The following ALPL variants were observed in gnomAD, a reference collection of about 807,000 sequenced individuals.
ALPL encodes alkaline phosphatase, biomineralization associated.
Under a neutral mutation model 51.3 loss-of-function variants are expected in ALPL, and 42 were observed. That is an observed-to-expected ratio of 0.82 (90% confidence interval 0.64 to 1.06). The LOEUF (loss-of-function observed/expected upper bound fraction) is 1.06. Among genes scored for constraint, ALPL ranks in the 50% least tolerant of loss-of-function variants. ALPL has a pLI of 0.00. For missense variants in ALPL, 589 were observed against 709.4 expected (o/e 0.83, Z 1.93); for synonymous variants, 279 against 296.4 (o/e 0.94, Z 0.60).
At chr1:21,577,319 A>G in intron 11 of ALPL, 64 bp from the exon 12 acceptor site, 2 of 1,610,698 alleles carry the variant, frequency 1.2e-6, no homozygotes, top group Non-Finnish European at 1.7e-6. Context: ...GGGAGATGGA[A>G]AAGCTGCGTG....
chr1:21,534,427 TAGAG>T (rs1176598372), intron 1 of ALPL, among the ~76,000 whole-genome samples: 3 of 152,192 alleles, frequency 2.0e-5, no homozygotes, highest in African/African-American at 7.2e-5. Context: ...AGACCTGAGA[TAGAG>T]AGCCACAGGG....
intron 1 of ALPL, among the ~76,000 whole-genome samples, chr1:21,520,651 C>T (rs927649888): frequency 4.6e-5 from 7 of 151,844 alleles, no homozygotes; most frequent in African/African-American, 7.3e-5. Context: ...ATAGTAGACA[C>T]GGGGTTTCAC....
intron 7 of ALPL, 48 bp from the exon 8 acceptor site, chr1:21,570,257 C>A: frequency 6.3e-7 from 1 of 1,584,084 alleles, no homozygotes; most frequent in Non-Finnish European, 8.7e-7. Flanking sequence ...TCAGTCCTTC[C>A]GACTCTCCCT....
At chr1:21,522,276 A>G (rs772526020) in intron 1 of ALPL, among the ~76,000 whole-genome samples, 36 of 152,182 alleles carry the variant, frequency 2.4e-4, no homozygotes, top group South Asian at 6.2e-4. Flanking sequence ...GGGTTTCACC[A>G]TGTTAGCCAG....
intron 1 of ALPL, among the ~76,000 whole-genome samples, chr1:21,519,773 A>G (rs1175783049): frequency 1.3e-5 from 2 of 152,180 alleles, no homozygotes; most frequent in Non-Finnish European, 2.9e-5. Flanking sequence ...CTCCAACCTG[A>G]GTGACAGAGT....
chr1:21,515,539 C>G (rs988182375), intron 1 of ALPL, among the ~76,000 whole-genome samples: 2 of 152,216 alleles, frequency 1.3e-5, no homozygotes, highest in Non-Finnish European at 2.9e-5. Flanking sequence ...CAGGCACATG[C>G]CACCACACCC....
intron 1 of ALPL, among the ~76,000 whole-genome samples, chr1:21,520,165 C>T (rs1570170044): frequency 6.6e-6 from 1 of 152,134 alleles, no homozygotes; most frequent in East Asian, 1.9e-4. Context: ...CTTGCCCTGT[C>T]ACCCAGGCTG....
intron 1 of ALPL, among the ~76,000 whole-genome samples, chr1:21,552,114 T>TCCCCCCCCCTCCCC (rs1244827813): frequency 4.3e-4 from 22 of 51,434 alleles, no homozygotes; most frequent in Non-Finnish European, 4.7e-4. Flanking sequence ...TTTCCTCCCC[T>TCCCCCCCCCTCCCC]TCCCTTTCCT....
intron 7 of ALPL, among the ~76,000 whole-genome samples, chr1:21,568,992 A>G (rs1410590297): frequency 1.9e-4 from 29 of 152,094 alleles, no homozygotes. Flanking sequence ...GACAGTGGGG[A>G]GTAGCCTGGC....
intron 9 of ALPL, among the ~76,000 whole-genome samples, chr1:21,574,896 C>T (rs1570302003): frequency 6.6e-6 from 1 of 152,246 alleles, no homozygotes; most frequent in Non-Finnish European, 1.5e-5. Context: ...GAACAGAGGG[C>T]TGCCTGGCGC....
chr1:21,554,790 TG>T (rs57660671), intron 2 of ALPL, among the ~76,000 whole-genome samples: 46,743 of 91,926 alleles, frequency 0.51, 9,261 homozygotes, highest in African/African-American at 0.58. Context: ...GCGCCTGGCC[TG>T]TCTGTCTGTC....
chr1:21,520,336 A>T (rs1396847284), intron 1 of ALPL, among the ~76,000 whole-genome samples: 1 of 151,250 alleles, frequency 6.6e-6, no homozygotes, highest in East Asian at 1.9e-4. Context: ...GCTTATGTTG[A>T]TGAGGCTGGT....
In ALPL at chr1:21,535,256, G is replaced by T. The variant is rs76592131; in HGVS notation, c.-104-18722G>T. 8.6e-3 allele frequency among the ~76,000 whole-genome samples: 1,311 copies of T among 152,294 alleles called. 27 individuals are homozygous for T. Among genetic ancestry groups the T allele is most frequent in the African/African-American group, 0.03 (1,257 of 41,554 alleles). On this transcript the variant is annotated intron_variant, in intron 1 of 11. Transcript: ENST00000374840. The stretch of plus-strand genomic sequence containing the variant: ...GAGGTCTCCCATGAAAGCATTTGGG[G>T]TCTGGATTTCAGGGCAGTGCTGGTT...
intron 8 of ALPL, among the ~76,000 whole-genome samples, chr1:21,572,501 T>G (rs936985797): frequency 6.6e-6 from 1 of 152,164 alleles, no homozygotes; most frequent in Non-Finnish European, 1.5e-5. Flanking sequence ...GGTGGCATTC[T>G]ATGGCATACA....
intron 4 of ALPL, 76 bp from the exon 5 acceptor site, chr1:21,563,034 G>A (rs1644506232): frequency 6.3e-7 from 1 of 1,574,910 alleles, no homozygotes; most frequent in African/African-American, 1.4e-5. Flanking sequence ...CAGTCCCCAT[G>A]GTGTGAGTGT....
intron 1 of ALPL, among the ~76,000 whole-genome samples, chr1:21,546,825 T>C (rs1248461210): frequency 2.0e-5 from 3 of 152,298 alleles, no homozygotes; most frequent in East Asian, 3.9e-4. Flanking sequence ...TGGTACACAG[T>C]TGGTGCTCAA....
intron 1 of ALPL, among the ~76,000 whole-genome samples, chr1:21,516,359 C>T (rs556177535): frequency 6.6e-6 from 1 of 152,286 alleles, no homozygotes; most frequent in Admixed American, 6.5e-5. Flanking sequence ...CCTTCTATAG[C>T]TCCTCTTCTT....
At chr1:21,561,265 G>A in intron 4 of ALPL, 53 bp downstream of exon 4, 2 of 1,482,568 alleles carry the variant, frequency 1.3e-6, no homozygotes, top group Middle Eastern at 1.7e-4. Flanking sequence ...TATCCAGGTC[G>A]AGCATCTGAA....
At chr1:21,545,911 G>A (rs4385672) in intron 1 of ALPL, among the ~76,000 whole-genome samples, 7,879 of 152,042 alleles carry the variant, frequency 0.052, 273 homozygotes, top group South Asian at 0.13. Context: ...TAACTCTCTA[G>A]TTCAAGCGAT....
Sources: allele counts gnomAD v4.1 joint callset (sites outside exome capture counted in the v4.1 genomes callset), GRCh38; gene constraint gnomAD v4.1.1; transcripts MANE v1.5; gene names NCBI Gene and HGNC (gene_info 2026-07-23, HGNC 2026-07-21).